The following SYCP1 variants were observed in gnomAD, a reference collection of about 807,000 sequenced individuals.
SYCP1 encodes synaptonemal complex protein 1.
In SYCP1, 64 loss-of-function variants were observed where a neutral mutation model predicts 153.1. That is an observed-to-expected ratio of 0.42 (90% confidence interval 0.34 to 0.51). The LOEUF is 0.51. SYCP1 is among the 20% of genes least tolerant of loss of function. SYCP1 has a pLI of 0.06. For missense variants in SYCP1, 997 were observed against 1,049.0 expected (o/e 0.95, Z 0.68); for synonymous variants, 384 against 341.8 (o/e 1.12, Z -1.36).
chr1:114,857,479 A>G lies in SYCP1; in HGVS notation c.273A>G (p.Leu91=). The change falls in exon 5 of 32, where the codon CTA becomes CTG. Residue 91 remains leucine, a synonymous_variant. Transcript: ENST00000369522. ...GNSDCHYQEG[L]KDSDLENSEG... ...CTGACTGTCACTATCAGGAAGGACT[A>G]AAAGACTCTGATTTGGAGGTCAGAA... is the stretch of plus-strand genomic sequence containing the variant. The G allele has an allele frequency of 6.2e-7, 1 of 1,600,656 alleles. No individual in the cohort carries two copies. The highest frequency in any genetic ancestry group is 8.5e-7 in the Non-Finnish European group (1 of 1,173,304).
chr1:114,924,780 A>G (rs1359706080), intron 21 of SYCP1, among the ~76,000 whole-genome samples: 1 of 152,124 alleles, frequency 6.6e-6, no homozygotes, highest in South Asian at 2.1e-4. Flanking sequence ...GCATGGAGAG[A>G]TGAAGGTGGG....
intron 28 of SYCP1, among the ~76,000 whole-genome samples, chr1:114,978,019 G>A (rs192534779): frequency 6.6e-6 from 1 of 151,524 alleles, no homozygotes; most frequent in Admixed American, 6.6e-5. Flanking sequence ...TTTTGAGGGG[G>A]CTTAATAAAT....
rs965936290 is a variant in SYCP1 at position 114,985,519 on chromosome 1, G to A, written c.2703+651G>A. On this transcript the variant is annotated intron_variant, in intron 30 of 31. Coordinates refer to ENST00000369522, the MANE Select transcript of SYCP1 (RefSeq NM_003176.4). The stretch of plus-strand genomic sequence containing the variant: ...GGTGAACCATACCAGAGTAAATGGA[G>A]CAATGCACCAAAAATTCTTAATGAC... Among the ~76,000 whole-genome samples the A allele has an allele frequency of 9.8e-4, 149 of 151,958 alleles. 1 individual carries two copies. The highest frequency in any genetic ancestry group is 2.7e-4 in the Non-Finnish European group (18 of 67,870).
intron 30 of SYCP1, among the ~76,000 whole-genome samples, chr1:114,993,377 T>C (rs1674054758): frequency 1.3e-5 from 2 of 151,704 alleles, no homozygotes; most frequent in South Asian, 4.1e-4. Flanking sequence ...GAAAAAATTG[T>C]GTGAACTGAC....
At chr1:114,954,052 A>C (rs566743475) in intron 27 of SYCP1, among the ~76,000 whole-genome samples, 45 of 144,546 alleles carry the variant, frequency 3.1e-4, no homozygotes, top group Non-Finnish European at 6.2e-4. Flanking sequence ...AAAAAAATAG[A>C]CATTTGTTCT....
intron 8 of SYCP1, among the ~76,000 whole-genome samples, chr1:114,863,423 C>T (rs1242628314): frequency 1.3e-5 from 2 of 152,196 alleles, no homozygotes; most frequent in Non-Finnish European, 1.5e-5. Context: ...CATGATGGCA[C>T]GCGCCTGTAG....
intron 27 of SYCP1, among the ~76,000 whole-genome samples, chr1:114,948,765 C>T (rs1376444080): frequency 1.3e-5 from 2 of 152,118 alleles, no homozygotes; most frequent in African/African-American, 4.8e-5. Flanking sequence ...AAAGGACTAA[C>T]AAAATGGCTT....
intron 14 of SYCP1, among the ~76,000 whole-genome samples, chr1:114,887,046 G>A (rs976079468): frequency 3.9e-5 from 6 of 151,998 alleles, no homozygotes; most frequent in South Asian, 2.1e-4. Flanking sequence ...AGCCATAGCC[G>A]GGGCCTAGCA....
intron 8 of SYCP1, among the ~76,000 whole-genome samples, chr1:114,873,751 A>T (rs1192325561): frequency 6.6e-6 from 1 of 152,072 alleles, no homozygotes; most frequent in South Asian, 2.1e-4. Context: ...GGGTCTCCAC[A>T]GAGGTTTTTT....
chr1:114,887,211 A>C (rs1666373564), intron 14 of SYCP1, among the ~76,000 whole-genome samples: 1 of 152,080 alleles, frequency 6.6e-6, no homozygotes. Flanking sequence ...TCAGTTTTAT[A>C]CTTTGAGGAA....
chr1:114,990,330 G>T (rs975412864), intron 30 of SYCP1, among the ~76,000 whole-genome samples: 5 of 151,838 alleles, frequency 3.3e-5, no homozygotes, highest in Non-Finnish European at 1.5e-5. Context: ...AAACTTATGG[G>T]ATACAGCAAA....
At chr1:114,933,222 A>G (rs1264605959) in intron 23 of SYCP1, among the ~76,000 whole-genome samples, 1 of 152,176 alleles carries the variant, frequency 6.6e-6, no homozygotes. Context: ...TCAGGCAGCA[A>G]CATTTGCTGT....
chr1:114,882,594 CT>C (rs1179174801), intron 12 of SYCP1, among the ~76,000 whole-genome samples: 1 of 151,726 alleles, frequency 6.6e-6, no homozygotes, highest in East Asian at 1.9e-4. Flanking sequence ...GATTCTCTTT[CT>C]GTCTTGTTTA....
At chr1:114,885,379 TG>T (rs1666222831) in intron 12 of SYCP1, among the ~76,000 whole-genome samples, 155 bp from the exon 13 acceptor site, 2 of 152,268 alleles carry the variant, frequency 1.3e-5, no homozygotes, top group South Asian at 4.1e-4. Context: ...TAAAGCTTGA[TG>T]GTGACCAATA....
intron 7 of SYCP1, 68 bp from the exon 8 acceptor site, chr1:114,860,668 T>TG: frequency 1.0e-6 from 1 of 987,214 alleles, no homozygotes; most frequent in Non-Finnish European, 1.5e-6. Flanking sequence ...ATATATTTCA[T>TG]AACTTATATA....
intron 9 of SYCP1, among the ~76,000 whole-genome samples, chr1:114,875,219 T>C (rs902959749): frequency 2.6e-5 from 4 of 151,674 alleles, no homozygotes; most frequent in Non-Finnish European, 4.4e-5. Context: ...TATTCTTTTT[T>C]ACACTTTATT....
chr1:114,908,833 G>A (rs947409442), intron 16 of SYCP1, among the ~76,000 whole-genome samples: 2 of 152,126 alleles, frequency 1.3e-5, no homozygotes, highest in African/African-American at 4.8e-5. Context: ...ACTGGGGTTA[G>A]CATATATCTG....
chr1:114,886,302 C>T lies in SYCP1; in HGVS notation c.1183C>T (p.Gln395Ter). The T allele has an allele frequency of 6.5e-7, 1 of 1,537,388 alleles. No homozygotes were observed. The highest frequency in any genetic ancestry group is 8.7e-7 in the Non-Finnish European group (1 of 1,145,934). ...CTTGGAAGAATTATTGAGAACAGAACAGCAAAGGTAAAATATTTATTATTT... is the reference window on the plus strand; with the variant it reads ...CTTGGAAGAATTATTGAGAACAGAATAGCAAAGGTAAAATATTTATTATTT... ...CSLEELLRTEQQRLEKNEDQL... is the reference protein window; with the variant it reads ...CSLEELLRTE Residue 395 changes from glutamine (Q) to a stop codon, truncating the protein, a stop_gained, in exon 14 of 32, where the codon CAG becomes TAG. Coordinates refer to ENST00000369522, the MANE Select transcript of SYCP1 (RefSeq NM_003176.4). LOFTEE classifies it high-confidence loss of function.
At chr1:114,937,082 G>A (rs1197165215) in intron 23 of SYCP1, among the ~76,000 whole-genome samples, 1 of 152,132 alleles carries the variant, frequency 6.6e-6, no homozygotes, top group East Asian at 1.9e-4. Context: ...AGCCCGCATT[G>A]CCAAGACAAT....
Sources: allele counts gnomAD v4.1 joint callset (sites outside exome capture counted in the v4.1 genomes callset), GRCh38; gene constraint gnomAD v4.1.1; transcripts MANE v1.5; gene names NCBI Gene and HGNC (gene_info 2026-07-23, HGNC 2026-07-21).